TDRD9: variants seen among roughly 807,000 people sequenced by gnomAD.
TDRD9 encodes the protein tudor domain containing 9.
Under a neutral mutation model 172.6 loss-of-function variants are expected in TDRD9, and 124 were observed. That is an observed-to-expected ratio of 0.72 (90% confidence interval 0.62 to 0.83). The LOEUF (loss-of-function observed/expected upper bound fraction) is 0.83, where lower values mean the gene tolerates loss of function less well. TDRD9 is among the 40% of genes least tolerant of loss of function. The pLI, the probability that TDRD9 is intolerant of heterozygous loss-of-function variation, is 0.00. For synonymous variants in TDRD9, 619 were observed against 617.1 expected, an observed-to-expected ratio of 1.00 and a Z score of -0.05; for missense variants, 1,479 against 1,714.1, an observed-to-expected ratio of 0.86 and a Z score of 2.42.
intron 7 of TDRD9, among the ~76,000 whole-genome samples, chr14:103,984,524 A>T (rs1294722201): frequency 6.6e-6 from 1 of 152,246 alleles, no homozygotes; most frequent in African/African-American, 2.4e-5. Flanking sequence ...CATGTTGTTA[A>T]GCCTGTGGGT....
chr14:104,012,492 G>T (rs535520041), intron 20 of TDRD9, among the ~76,000 whole-genome samples: 1 of 149,808 alleles, frequency 6.7e-6, no homozygotes, highest in Non-Finnish European at 1.5e-5. Context: ...GGAAGGAGTA[G>T]GTGTGGGATT....
chr14:103,986,397 T>G, intron 8 of TDRD9, 77 bp downstream of exon 8: 1 of 1,072,248 alleles, frequency 9.3e-7, no homozygotes, highest in South Asian at 1.5e-5. Context: ...AACGTTTTAG[T>G]GTTTTTATAA....
At chr14:103,996,528 G>C (rs950808868) in intron 12 of TDRD9, among the ~76,000 whole-genome samples, 3 of 152,214 alleles carry the variant, frequency 2.0e-5, no homozygotes, top group African/African-American at 4.8e-5. Flanking sequence ...CTTTGAGGAA[G>C]TGACATTTTA....
At chr14:103,936,186 C>G (rs1344979409) in intron 1 of TDRD9, among the ~76,000 whole-genome samples, 1 of 152,092 alleles carries the variant, frequency 6.6e-6, no homozygotes. Context: ...TCAAGTGATC[C>G]TCCCTTGATC....
At chr14:104,032,605 G>T (rs931180174) in intron 30 of TDRD9, among the ~76,000 whole-genome samples, 1 of 152,162 alleles carries the variant, frequency 6.6e-6, no homozygotes, top group Non-Finnish European at 1.5e-5. Flanking sequence ...AGACATTTTT[G>T]AGTATCTTTT....
At chr14:103,934,420 G>A (rs1388902022) in intron 1 of TDRD9, among the ~76,000 whole-genome samples, 1 of 152,192 alleles carries the variant, frequency 6.6e-6, no homozygotes, top group East Asian at 1.9e-4. Flanking sequence ...TGTACTATGT[G>A]CAGCTGGAGT....
chr14:103,964,057 C>T (rs767138608), intron 3 of TDRD9, among the ~76,000 whole-genome samples: 5 of 152,100 alleles, frequency 3.3e-5, no homozygotes, highest in Non-Finnish European at 5.9e-5. Context: ...GCCTGGGCAA[C>T]ATAGCAAGAC....
At chr14:103,951,145 A>C (rs2031852413) in intron 1 of TDRD9, among the ~76,000 whole-genome samples, 1 of 152,236 alleles carries the variant, frequency 6.6e-6, no homozygotes, top group African/African-American at 2.4e-5. Flanking sequence ...ACCAACAAAA[A>C]AAATCCATCA....
At chr14:103,984,382 C>T (rs1024093959) in intron 7 of TDRD9, among the ~76,000 whole-genome samples, 7 of 152,176 alleles carry the variant, frequency 4.6e-5, no homozygotes, top group Non-Finnish European at 1.0e-4. Context: ...AGGCTTAGGG[C>T]CCCCGTGCTG....
intron 12 of TDRD9, among the ~76,000 whole-genome samples, chr14:103,998,193 C>G (rs2034125185): frequency 7.3e-6 from 1 of 137,654 alleles, no homozygotes. Flanking sequence ...TACAGATGCA[C>G]AGATACACAC....
chr14:103,948,562 A>G (rs2031695129), intron 1 of TDRD9, among the ~76,000 whole-genome samples: 1 of 152,216 alleles, frequency 6.6e-6, no homozygotes, highest in Non-Finnish European at 1.5e-5. Context: ...TAACATCATT[A>G]TTCACAATAG....
At chr14:103,996,404 G>T (rs921933266) in intron 12 of TDRD9, among the ~76,000 whole-genome samples, 14 of 152,150 alleles carry the variant, frequency 9.2e-5, no homozygotes, top group African/African-American at 3.4e-4. Context: ...AGGTAAAAAG[G>T]TTTTATAATT....
intron 13 of TDRD9, among the ~76,000 whole-genome samples, chr14:104,000,834 G>A (rs7160557): frequency 0.43 from 65,374 of 151,986 alleles, 14,359 homozygotes; most frequent in Admixed American, 0.51. Context: ...AATATACAAA[G>A]ATGTTAAAAG....
intron 1 of TDRD9, among the ~76,000 whole-genome samples, chr14:103,952,536 C>T (rs190453198): frequency 8.6e-5 from 13 of 150,780 alleles, no homozygotes; most frequent in African/African-American, 2.4e-4. Flanking sequence ...CCACTGTGCT[C>T]GGCCTTATGT....
intron 28 of TDRD9, 76 bp downstream of exon 28, chr14:104,027,015 C>T (rs1191324307): frequency 1.6e-5 from 24 of 1,495,666 alleles, no homozygotes; most frequent in Admixed American, 3.9e-5. Context: ...CTCTGTGGAC[C>T]CTGAGATAGG....
At chr14:103,959,187 A>C (rs1299042576) in intron 2 of TDRD9, among the ~76,000 whole-genome samples, 4 of 152,100 alleles carry the variant, frequency 2.6e-5, no homozygotes, top group Non-Finnish European at 5.9e-5. Flanking sequence ...GAGCCAGTTG[A>C]AGGACAAACC....
intron 7 of TDRD9, among the ~76,000 whole-genome samples, chr14:103,984,571 C>A (rs1256327824): frequency 6.6e-6 from 1 of 152,170 alleles, no homozygotes; most frequent in African/African-American, 2.4e-5. Context: ...GGAACCTCTG[C>A]CTACTTTTCA....
At chr14:104,014,184 T>C (rs2034705606) in intron 20 of TDRD9, among the ~76,000 whole-genome samples, 1 of 146,892 alleles carries the variant, frequency 6.8e-6, no homozygotes, top group Non-Finnish European at 1.5e-5. Flanking sequence ...AACCAAGCTG[T>C]GATCGCGCCA....
At chr14:103,947,289 T>C (rs1167741645) in intron 1 of TDRD9, among the ~76,000 whole-genome samples, 1 of 150,890 alleles carries the variant, frequency 6.6e-6, no homozygotes, top group Non-Finnish European at 1.5e-5. Flanking sequence ...GGACAGTTTG[T>C]TTTTTTTGTT....
Sources: allele counts gnomAD v4.1 joint callset (sites outside exome capture counted in the v4.1 genomes callset), GRCh38; gene constraint gnomAD v4.1.1; transcripts MANE v1.5; gene names NCBI Gene and HGNC (gene_info 2026-07-23, HGNC 2026-07-21).